The following KIF2A variants were observed in gnomAD, a reference collection of about 807,000 sequenced individuals.
KIF2A encodes the protein kinesin family member 2A, also known as kinesin-like protein KIF2A.
Under a neutral mutation model 100.2 loss-of-function variants are expected in KIF2A, and 22 were observed. That is an observed-to-expected ratio of 0.22 (90% confidence interval 0.16 to 0.31). KIF2A has a LOEUF of 0.31. Ranked by LOEUF, KIF2A falls within the 10% of genes least tolerant of loss-of-function variation. The pLI is 1.00. For missense variants in KIF2A, 495 were observed against 898.7 expected, an observed-to-expected ratio of 0.55 and a Z score of 5.74; for synonymous variants, 268 against 285.9, an observed-to-expected ratio of 0.94 and a Z score of 0.63.
intron 3 of KIF2A, 80 bp downstream of exon 3, chr5:62,348,247 G>A: frequency 6.7e-7 from 1 of 1,481,794 alleles, no homozygotes; most frequent in Non-Finnish European, 9.3e-7. Context: ...GTTTGAAATT[G>A]GTAGGCTTTG....
At chr5:62,356,458 G>A (rs965806789) in intron 7 of KIF2A, among the ~76,000 whole-genome samples, 16 of 152,174 alleles carry the variant, frequency 1.1e-4, no homozygotes, top group African/African-American at 3.4e-4. Context: ...CAATCAATGT[G>A]TGTCAGTAAA....
chr5:62,376,383 G>A (rs1336536148), intron 18 of KIF2A, among the ~76,000 whole-genome samples: 1 of 151,768 alleles, frequency 6.6e-6, no homozygotes. Flanking sequence ...TCTAAGACAC[G>A]CTCTAGAGAT....
chr5:62,306,707 G>A (rs1745298821), intron 1 of KIF2A, among the ~76,000 whole-genome samples, 171 bp downstream of exon 1: 1 of 152,080 alleles, frequency 6.6e-6, no homozygotes, highest in Non-Finnish European at 1.5e-5. Flanking sequence ...GCCGGCTTGG[G>A]GTCCGCCCGG....
At chr5:62,372,313 A>G in intron 16 of KIF2A, 125 bp from the exon 17 acceptor site, 1 of 647,638 alleles carries the variant, frequency 1.5e-6, no homozygotes, top group Admixed American at 3.0e-5. Context: ...TATTCTAAAT[A>G]CATTGTCACA....
At chr5:62,336,266 G>A (rs936436675) in intron 1 of KIF2A, among the ~76,000 whole-genome samples, 4 of 152,226 alleles carry the variant, frequency 2.6e-5, no homozygotes, top group Non-Finnish European at 4.4e-5. Context: ...ACTGTTTGAA[G>A]ACAAGGACTT....
At chr5:62,337,096 C>CA (rs1190269135) in intron 1 of KIF2A, among the ~76,000 whole-genome samples, 2 of 152,212 alleles carry the variant, frequency 1.3e-5, no homozygotes, top group African/African-American at 4.8e-5. Flanking sequence ...GATGGTTTAA[C>CA]AAGTGCCTAC....
At chr5:62,346,970 C>T (rs1167483682) in intron 1 of KIF2A, among the ~76,000 whole-genome samples, 160 bp from the exon 2 acceptor site, 1 of 152,004 alleles carries the variant, frequency 6.6e-6, no homozygotes, top group Admixed American at 6.6e-5. Flanking sequence ...GCCCCGTGGA[C>T]AAAGTTCATT....
intron 1 of KIF2A, among the ~76,000 whole-genome samples, chr5:62,321,036 C>T (rs1746066959): frequency 6.6e-6 from 1 of 152,168 alleles, no homozygotes; most frequent in Non-Finnish European, 1.5e-5. Context: ...CTGTACAATA[C>T]ATAGCCTTTA....
intron 1 of KIF2A, among the ~76,000 whole-genome samples, chr5:62,327,724 A>G (rs1170877452): frequency 6.6e-6 from 1 of 152,190 alleles, no homozygotes; most frequent in East Asian, 1.9e-4. Context: ...GGCTTAGAAG[A>G]GTGATCATTT....
At position 62,312,735 on chromosome 5, in the gene KIF2A, C is replaced by T. The variant is rs981809206; in HGVS notation, c.64+6199C>T. On this transcript the variant is annotated intron_variant, in intron 1 of 20. Coordinates refer to ENST00000407818, the MANE Select transcript of KIF2A (RefSeq NM_001098511.3). ...GACATTAGAATTTCACCATATTAAA[C>T]TATCTCCCAAGAGTAATATGAGTGA... 5.3e-5 allele frequency among the ~76,000 whole-genome samples: 8 copies of T among 152,200 alleles called. 1 individual carries two copies. Among genetic ancestry groups the T allele is most frequent in the Admixed American group, 4.6e-4 (7 of 15,278 alleles).
At chr5:62,374,473 T>C (rs1451451605) in intron 18 of KIF2A, among the ~76,000 whole-genome samples, 5 of 152,234 alleles carry the variant, frequency 3.3e-5, no homozygotes, top group Middle Eastern at 3.4e-3. Context: ...TTTTGTCTGA[T>C]ATTAAAATTT....
At chr5:62,367,425 C>G (rs778104254) in intron 16 of KIF2A, among the ~76,000 whole-genome samples, 1 of 151,994 alleles carries the variant, frequency 6.6e-6, no homozygotes, top group Non-Finnish European at 1.5e-5. Flanking sequence ...TACCACCATA[C>G]CCGGCTAATT....
chr5:62,379,019 T>C (rs1741660857), intron 19 of KIF2A, among the ~76,000 whole-genome samples: 1 of 152,166 alleles, frequency 6.6e-6, no homozygotes, highest in Non-Finnish European at 1.5e-5. Flanking sequence ...TACACACCTG[T>C]AATCCCAGCA....
intron 3 of KIF2A, among the ~76,000 whole-genome samples, chr5:62,349,026 C>G (rs1747715471): frequency 6.6e-6 from 1 of 152,078 alleles, no homozygotes; most frequent in African/African-American, 2.4e-5. Flanking sequence ...GCAGTTGAAC[C>G]TGAGGCATAT....
In KIF2A at chr5:62,326,030, C is replaced by T. The variant is rs76501252; in HGVS notation, c.64+19494C>T. ...AACTAGCTGTTGGGTACTCTGCTCACTACCTGGGTGATGGGATCATTTGTA... is the reference window on the plus strand; with the variant it reads ...AACTAGCTGTTGGGTACTCTGCTCATTACCTGGGTGATGGGATCATTTGTA... On this transcript the variant is annotated intron_variant, in intron 1 of 20. Coordinates refer to ENST00000407818, the MANE Select transcript of KIF2A (RefSeq NM_001098511.3). Among the ~76,000 whole-genome samples, 1,022 of 152,214 alleles carry T rather than the reference C, an allele frequency of 6.7e-3. 19 individuals carry two copies. Among genetic ancestry groups the T allele is most frequent in the African/African-American group, 0.024 (976 of 41,522 alleles).
At position 62,361,225 on chromosome 5, in the gene KIF2A, T is replaced by C. The variant is rs1204288327; in HGVS notation, c.873-17T>C. 1.4e-6 allele frequency: 2 copies of C among 1,398,528 alleles called. No homozygotes were observed. The highest frequency in any genetic ancestry group is 1.8e-5 in the Admixed American group (1 of 54,308). 86.6% of individuals were successfully genotyped at this position (1,398,528 alleles called of 1,614,324 possible). A position where few individuals can be genotyped will look rare whatever the true frequency, so the allele number is the denominator to read the frequency against. On this transcript the variant is annotated splice_polypyrimidine_tract_variant and intron_variant, in intron 9 of 20. Coordinates refer to ENST00000407818, the MANE Select transcript of KIF2A (RefSeq NM_001098511.3). ...AATATTGGTGACACATTCTGACTGA[T>C]GCATTTTATTTTTAAGGTTTACTGC...
chr5:62,374,739 G>C (rs1242051368), intron 18 of KIF2A, among the ~76,000 whole-genome samples: 1 of 152,150 alleles, frequency 6.6e-6, no homozygotes, highest in Non-Finnish European at 1.5e-5. Flanking sequence ...AGACCAGCCT[G>C]GCCAACATGG....
chr5:62,358,245 C>T lies in KIF2A; in HGVS notation c.818C>T (p.Thr273Ile). 6.2e-7 allele frequency: 1 copy of T among 1,602,694 alleles called. No homozygotes were observed. The highest frequency in any genetic ancestry group is 8.5e-7 in the Non-Finnish European group (1 of 1,176,106). Residue 273 changes from threonine to isoleucine, a missense_variant, in exon 9 of 21, where the codon ACA (threonine) becomes ATA (isoleucine). Thr to Ile is a moderately conservative substitution (Grantham distance 89). This residue lies in a region of KIF2A where 109 missense variants were observed against 244.2 expected (regional missense o/e 0.45). Coordinates refer to ENST00000407818, the MANE Select transcript of KIF2A (RefSeq NM_001098511.3). Reference protein sequence around the residue: ...VDLTRYLENQTFRFDYAFDDS... With the variant: ...VDLTRYLENQIFRFDYAFDDS... Reference sequence around the variant, plus strand: ...TTAACAAGGTACCTAGAAAACCAAACATTTCGTTTTGATTATGCCTTTGAT... The same window carrying T: ...TTAACAAGGTACCTAGAAAACCAAATATTTCGTTTTGATTATGCCTTTGAT...
chr5:62,383,329 G>A (rs529734456), intron 20 of KIF2A, among the ~76,000 whole-genome samples: 7 of 128,798 alleles, frequency 5.4e-5, no homozygotes, highest in Admixed American at 1.9e-4. Context: ...TGAAAGCTCC[G>A]CCTCCCAGGT....
Sources: allele counts gnomAD v4.1 joint callset (sites outside exome capture counted in the v4.1 genomes callset), GRCh38; gene constraint gnomAD v4.1.1; regional missense constraint gnomAD v4.1.1; transcripts MANE v1.5; gene names NCBI Gene and HGNC (gene_info 2026-07-23, HGNC 2026-07-21).